Variants in EIF2A observed in about 807,000 individuals in gnomAD.
The protein encoded by EIF2A is 65 kDa eukaryotic translation initiation factor 2A.
A neutral mutation model predicts 75.2 loss-of-function variants in EIF2A; 62 were observed. The observed-to-expected ratio is 0.82, with a 90% CI of 0.67 to 1.02. The LOEUF (loss-of-function observed/expected upper bound fraction) is 1.02. Ranked by LOEUF, EIF2A falls within the 50% of genes least tolerant of loss-of-function variation. The pLI is 0.00. For missense variants in EIF2A, 611 were observed against 677.7 expected (o/e 0.90, Z 1.09); for synonymous variants, 207 against 239.0 (o/e 0.87, Z 1.23).
At chr3:150,579,871 G>A (rs147672191) in intron 11 of EIF2A, among the ~76,000 whole-genome samples, 21 of 151,616 alleles carry the variant, frequency 1.4e-4, no homozygotes, top group African/African-American at 4.8e-4. Flanking sequence ...TGAGTAAAAG[G>A]TTATGGAGAC....
At position 150,558,449 on chromosome 3, in the gene EIF2A, G is replaced by A; in HGVS notation, c.160G>A (p.Gly54Ser). 6.6e-7 allele frequency: 1 copy of A among 1,511,454 alleles called. No homozygotes were observed. The highest frequency in any genetic ancestry group is 8.8e-7 in the Non-Finnish European group (1 of 1,138,790). 93.6% of individuals were successfully genotyped at this position (1,511,454 alleles called of 1,614,324 possible). Residue 54 changes from glycine (G) to serine (S), a missense_variant, in exon 3 of 14, where the codon GGC becomes AGC. Gly to Ser is a moderately conservative substitution (Grantham distance 56). Coordinates refer to ENST00000460851, the MANE Select transcript of EIF2A (RefSeq NM_032025.5). Reference sequence around the variant, plus strand: ...TAAGGATGGGACCTTGTTTGCCTGGGGCAATGGAGAAAAGTTAGTGTTCAT... The same window carrying A: ...TAAGGATGGGACCTTGTTTGCCTGGAGCAATGGAGAAAAGTTAGTGTTCAT... Reference protein sequence around the residue: ...FSKDGTLFAWGNGEKVNIISV... With the variant: ...FSKDGTLFAWSNGEKVNIISV...
At chr3:150,562,099 G>A (rs2107922495) in intron 3 of EIF2A, among the ~76,000 whole-genome samples, 1 of 151,194 alleles carries the variant, frequency 6.6e-6, no homozygotes, top group Non-Finnish European at 1.5e-5. Flanking sequence ...ATATTTTCTA[G>A]AACCAACTTA....
intron 2 of EIF2A, among the ~76,000 whole-genome samples, chr3:150,557,304 T>A (rs1266992110): frequency 1.3e-5 from 2 of 152,158 alleles, no homozygotes; most frequent in Non-Finnish European, 2.9e-5. Flanking sequence ...TAAAGATAAT[T>A]GTAAAATTCT....
chr3:150,549,657 A>G (rs1263794974), intron 1 of EIF2A, among the ~76,000 whole-genome samples: 1 of 152,196 alleles, frequency 6.6e-6, no homozygotes, highest in Non-Finnish European at 1.5e-5. Context: ...TCTCAAGGCT[A>G]GCTGCCTTTG....
intron 11 of EIF2A, among the ~76,000 whole-genome samples, chr3:150,579,136 T>C (rs1232128355): frequency 6.6e-6 from 1 of 152,194 alleles, no homozygotes; most frequent in Non-Finnish European, 1.5e-5. Flanking sequence ...GCTATATTCT[T>C]AGCTCATTAC....
At chr3:150,562,364 G>T (rs1251726519) in intron 3 of EIF2A, among the ~76,000 whole-genome samples, 178 bp from the exon 4 acceptor site, 1 of 151,692 alleles carries the variant, frequency 6.6e-6, no homozygotes, top group African/African-American at 2.4e-5. Flanking sequence ...GGAGCTTGCA[G>T]TGAGCCGAGA....
intron 1 of EIF2A, 72 bp downstream of exon 1, chr3:150,546,902 C>T (rs779625108): frequency 6.3e-7 from 1 of 1,595,746 alleles, no homozygotes; most frequent in African/African-American, 1.3e-5. Context: ...CCTTTGAGAA[C>T]TACCCGAGGA....
chr3:150,575,525 T>A, intron 10 of EIF2A, 124 bp from the exon 11 acceptor site: 1 of 741,264 alleles, frequency 1.3e-6, no homozygotes, highest in Non-Finnish European at 2.1e-6. Context: ...TTCAAAATAA[T>A]CTTTGCTAAT....
chr3:150,582,086 C>T (rs1042488000), intron 12 of EIF2A, among the ~76,000 whole-genome samples: 2 of 151,956 alleles, frequency 1.3e-5, no homozygotes, highest in Admixed American at 6.6e-5. Context: ...CTGCAACCTC[C>T]GCCTCCCAGG....
intron 1 of EIF2A, among the ~76,000 whole-genome samples, chr3:150,549,222 C>CTTTCT (rs1276096201): frequency 8.8e-5 from 12 of 136,538 alleles, no homozygotes; most frequent in Admixed American, 5.2e-4. Flanking sequence ...TTCTTTCTTT[C>CTTTCT]TTTTTTTTTT....
intron 6 of EIF2A, chr3:150,565,824 T>C (rs1023467703): frequency 1.3e-5 from 2 of 149,410 alleles, no homozygotes; most frequent in African/African-American, 5.0e-5. Flanking sequence ...AGATGGAGTT[T>C]CGCTGTTGTT....
chr3:150,581,283 G>A (rs1340456892), intron 11 of EIF2A, among the ~76,000 whole-genome samples: 1 of 152,150 alleles, frequency 6.6e-6, no homozygotes, highest in Non-Finnish European at 1.5e-5. Flanking sequence ...GTTTTGGAGA[G>A]AGCCTTGTAA....
chr3:150,567,725 A>T lies in EIF2A; in HGVS notation c.508A>T (p.Ile170Phe), dbSNP rs1559880708. Reference protein sequence around the residue: ...TIANKLHLQKINDFVLSPGPQ... With the variant: ...TIANKLHLQKFNDFVLSPGPQ... Reference sequence around the variant, plus strand: ...TGCAAATAAATTGCATTTGCAAAAAATTAATGATTTTGTATTATCACCTGG... The same window carrying T: ...TGCAAATAAATTGCATTTGCAAAAATTTAATGATTTTGTATTATCACCTGG... Residue 170 changes from isoleucine to phenylalanine, a missense_variant, in exon 7 of 14, where the codon ATT (isoleucine) becomes TTT (phenylalanine). Transcript: ENST00000460851. The T allele has an allele frequency of 6.4e-7, 1 of 1,553,770 alleles. No individual in the cohort carries two copies. Among genetic ancestry groups the T allele is most frequent in the Non-Finnish European group, 8.7e-7 (1 of 1,148,202 alleles).
chr3:150,583,975 T>C lies in EIF2A; in HGVS notation c.*64T>C. 1 of 1,494,810 alleles carries C rather than the reference T, an allele frequency of 6.7e-7. No homozygotes were observed. The highest frequency in any genetic ancestry group is 9.3e-7 in the Non-Finnish European group (1 of 1,076,894). 92.6% of individuals were successfully genotyped at this position (1,494,810 alleles called of 1,614,324 possible). On this transcript the variant is annotated 3_prime_UTR_variant, in exon 14 of 14. Transcript: ENST00000460851. ...CAAACACATCTTCTGTTAAACCCAT[T>C]GGTATACACAGAATATTCCTGTGCC...
chr3:150,561,122 A>AT (rs1217131591), intron 3 of EIF2A, among the ~76,000 whole-genome samples: 1 of 152,036 alleles, frequency 6.6e-6, no homozygotes, highest in Non-Finnish European at 1.5e-5. Context: ...GCTTCTATTT[A>AT]TTTAAAAAAA....
intron 3 of EIF2A, 76 bp from the exon 4 acceptor site, chr3:150,562,466 A>T (rs4343650): frequency 0.35 from 370,174 of 1,046,668 alleles, 69,089 homozygotes; most frequent in East Asian, 0.55. Context: ...ATTTGAAAAG[A>T]GGTATGAATG....
intron 9 of EIF2A, among the ~76,000 whole-genome samples, chr3:150,568,585 G>A (rs576321850): frequency 1.1e-4 from 17 of 152,138 alleles, no homozygotes; most frequent in African/African-American, 3.1e-4. Context: ...TAATTATGAC[G>A]GCAAATTGCT....
In EIF2A at chr3:150,583,190, A is replaced by C; in HGVS notation, c.1627-10A>C. On this transcript the variant is annotated splice_polypyrimidine_tract_variant and intron_variant, in intron 12 of 13. Coordinates refer to ENST00000460851, the MANE Select transcript of EIF2A (RefSeq NM_032025.5). ...CTTCCATGCTCTTGACTCATATTTG[A>C]TGTTTGCAGAAACTGAAAGCAATCG... 1 of 1,609,958 alleles carries C rather than the reference A, an allele frequency of 6.2e-7. No homozygotes were observed. Among genetic ancestry groups the C allele is most frequent in the Non-Finnish European group, 8.5e-7 (1 of 1,178,776 alleles).
chr3:150,572,375 A>C lies in EIF2A; in HGVS notation c.1229A>C (p.Gln410Pro). ...YDVPSNAELW[Q>P]VSWQPFLDGI... ...GTGCCATCAAATGCAGAATTATGGC[A>C]GGTTTCTTGGCAGCCATTTTTGGAT... Residue 410 changes from glutamine to proline, a missense_variant, in exon 10 of 14, where the codon CAG becomes CCG. Transcript: ENST00000460851. 3 of 1,613,998 alleles carry C rather than the reference A, an allele frequency of 1.9e-6. No homozygotes were observed. The South Asian group carries it at 3.3e-5, about 18-fold the overall frequency.
Sources: gnomAD v4.1 joint callset for allele counts (sites outside exome capture counted in the v4.1 genomes callset) on GRCh38, gnomAD v4.1.1 for gene constraint, MANE v1.5 for transcripts, NCBI Gene and HGNC (gene_info 2026-07-23, HGNC 2026-07-21) for gene names.